Variants in PRSS23 observed in about 807,000 individuals in gnomAD.
PRSS23 encodes the protein serine protease 23.
PRSS23 carries 25 observed loss-of-function variants against 34.7 expected under a neutral mutation model. That is an observed-to-expected ratio of 0.72 (90% CI 0.53 to 1.01). PRSS23 has a LOEUF of 1.01. Among genes scored for constraint, PRSS23 ranks in the 50% least tolerant of loss-of-function variants. The probability of loss-of-function intolerance (pLI) is 0.00; values close to 1 mark genes in which losing one functional copy is unlikely to be tolerated. For synonymous variants in PRSS23, 176 were observed against 186.6 expected (o/e 0.94, Z 0.46); for missense variants, 445 against 475.6 (o/e 0.94, Z 0.60).
At chr11:86,895,396 A>G (rs1329147608) in intron 2 of PRSS23, among the ~76,000 whole-genome samples, 1 of 152,166 alleles carries the variant, frequency 6.6e-6, no homozygotes, top group Non-Finnish European at 1.5e-5. Context: ...TGTCTATCAT[A>G]AATTCAGTGG....
intron 2 of PRSS23, among the ~76,000 whole-genome samples, chr11:86,882,332 A>AT (rs1399802441): frequency 6.6e-6 from 1 of 151,922 alleles, no homozygotes; most frequent in African/African-American, 2.4e-5. Context: ...CCCATTAGTT[A>AT]TTTTTCCTGA....
In PRSS23 at chr11:86,950,951, A is replaced by G. The variant is rs1949285081; in HGVS notation, c.207-265A>G. 6.0e-6 allele frequency: 4 copies of G among 664,020 alleles called. No homozygotes were observed. The Admixed American group carries it at 9.7e-5, about 16-fold the overall frequency. 41.1% of individuals were successfully genotyped at this position (664,020 alleles called of 1,614,324 possible). ...TGGCTTTTCCATTTTGGATCATTCCAAAGTCTGCAGCAAAATCATTGGTTT... is the reference window on the plus strand; with the variant it reads ...TGGCTTTTCCATTTTGGATCATTCCGAAGTCTGCAGCAAAATCATTGGTTT... On this transcript the variant is annotated intron_variant, in intron 2 of 2. Coordinates refer to the PRSS23 transcript ENST00000533902.
chr11:86,898,150 A>G (rs1232294203), intron 2 of PRSS23, among the ~76,000 whole-genome samples: 1 of 152,196 alleles, frequency 6.6e-6, no homozygotes, highest in African/African-American at 2.4e-5. Context: ...CCCAGGGCAG[A>G]TATTTCATTT....
intron 2 of PRSS23, among the ~76,000 whole-genome samples, chr11:86,898,615 T>C (rs1016581732): frequency 1.3e-5 from 2 of 152,184 alleles, no homozygotes; most frequent in Non-Finnish European, 2.9e-5. Context: ...CCTTCATGGG[T>C]CCCTGTCCTT....
chr11:86,937,097 T>C (rs1452936887), intron 2 of PRSS23: 1 of 152,140 alleles, frequency 6.6e-6, no homozygotes, highest in Non-Finnish European at 1.5e-5. Flanking sequence ...TACGAACCTC[T>C]CTACTGAGGC....
intron 2 of PRSS23, among the ~76,000 whole-genome samples, chr11:86,913,035 G>A (rs1208743302): frequency 6.6e-6 from 1 of 152,146 alleles, no homozygotes; most frequent in Non-Finnish European, 1.5e-5. Context: ...GCTGCTTGAC[G>A]TCTGTCTTAC....
intron 2 of PRSS23, among the ~76,000 whole-genome samples, chr11:86,891,882 G>T (rs770606521): frequency 1.3e-5 from 2 of 152,080 alleles, no homozygotes; most frequent in Non-Finnish European, 2.9e-5. Flanking sequence ...AATAAGGTGC[G>T]CTTCCCCTTC....
Position 86,904,840 on chromosome 11 carries a change from A to C in PRSS23, c.207-46376A>C, listed in dbSNP as rs140044940. 2.1e-3 allele frequency among the ~76,000 whole-genome samples: 325 copies of C among 152,094 alleles called. 1 individual carries two copies. The highest frequency in any genetic ancestry group is 7.6e-3 in the African/African-American group (315 of 41,500). ...AGGCAGGAGGATTGCTTGAGGCCAA[A>C]AGTTTAAGACTAGCCTGAGCAACAT... On this transcript the variant is annotated intron_variant, in intron 2 of 2. Transcript: ENST00000533902.
chr11:86,834,185 A>T (rs954179677), intron 2 of PRSS23, among the ~76,000 whole-genome samples: 2 of 152,236 alleles, frequency 1.3e-5, no homozygotes, highest in Admixed American at 6.5e-5. Flanking sequence ...AGTTTTGAAG[A>T]GGCCTGGTCC....
chr11:86,914,855 G>A (rs767100392), intron 2 of PRSS23, among the ~76,000 whole-genome samples: 15 of 152,288 alleles, frequency 9.8e-5, no homozygotes, highest in East Asian at 3.9e-4. Flanking sequence ...TTAATATCCT[G>A]TTTAGAATGT....
chr11:86,908,197 T>A (rs1396199029), intron 2 of PRSS23, among the ~76,000 whole-genome samples: 1 of 152,242 alleles, frequency 6.6e-6, no homozygotes, highest in Non-Finnish European at 1.5e-5. Flanking sequence ...TGATTTCAAT[T>A]CTTTTTAATA....
At chr11:86,945,748 A>AATT (rs2135031512) in intron 2 of PRSS23, 1 of 152,752 alleles carries the variant, frequency 6.5e-6, no homozygotes, top group South Asian at 2.1e-4. Flanking sequence ...TACAGTGATA[A>AATT]ATTAGAAATT....
At chr11:86,851,460 G>T (rs1590893920) in intron 2 of PRSS23, among the ~76,000 whole-genome samples, 1 of 152,340 alleles carries the variant, frequency 6.6e-6, no homozygotes, top group East Asian at 1.9e-4. Flanking sequence ...AACCCCCAAA[G>T]GGAAGGGCAC....
chr11:86,804,356 AT>A (rs150554076), intron 1 of PRSS23, among the ~76,000 whole-genome samples: 3,719 of 152,276 alleles, frequency 0.024, 135 homozygotes, highest in African/African-American at 0.085. Flanking sequence ...CTAAATCTGA[AT>A]TAAACTTTTT....
chr11:86,893,955 G>T (rs946780291), intron 2 of PRSS23, among the ~76,000 whole-genome samples: 1 of 152,130 alleles, frequency 6.6e-6, no homozygotes, highest in Non-Finnish European at 1.5e-5. Flanking sequence ...GAAATAGAGT[G>T]GGAGTAAAGG....
At chr11:86,923,281 A>G (rs1949058652) in intron 2 of PRSS23, among the ~76,000 whole-genome samples, 1 of 151,736 alleles carries the variant, frequency 6.6e-6, no homozygotes, top group African/African-American at 2.4e-5. Flanking sequence ...ACATTAACAC[A>G]CCCAGCTAAT....
At chr11:86,878,233 C>CCTCCCT (rs1948738988) in intron 2 of PRSS23, among the ~76,000 whole-genome samples, 1 of 84,798 alleles carries the variant, frequency 1.2e-5, no homozygotes, top group East Asian at 3.8e-4. Context: ...TACCCCTCCC[C>CCTCCCT]CTCCCTCTCC....
At position 86,811,020 on chromosome 11, in the gene PRSS23, C is replaced by T. The variant is rs1948172759; in HGVS notation, c.*2225C>T. The stretch of plus-strand genomic sequence containing the variant: ...GTAAGGCTAGTAGAACCACATTTCC[C>T]AAAGTGTGCTCCTTAAACACTCATG... On this transcript the variant is annotated 3_prime_UTR_variant, in exon 2 of 2. Coordinates refer to ENST00000280258, the MANE Select transcript of PRSS23 (RefSeq NM_007173.6). The T allele has an allele frequency of 6.0e-6, 1 of 166,714 alleles. No homozygotes were observed. Among genetic ancestry groups the T allele is most frequent in the African/African-American group, 2.4e-5 (1 of 41,450 alleles). The allele number at this position is 166,714 out of a possible 1,614,324, so 10.3% of individuals were successfully genotyped here.
chr11:86,869,304 C>A (rs1029526508), intron 2 of PRSS23, among the ~76,000 whole-genome samples: 6 of 152,124 alleles, frequency 3.9e-5, no homozygotes, highest in Admixed American at 6.5e-5. Context: ...TAGAAAGCAG[C>A]AGCCATGATA....
Sources: allele counts gnomAD v4.1 joint callset (sites outside exome capture counted in the v4.1 genomes callset), GRCh38; gene constraint gnomAD v4.1.1; transcripts MANE v1.5; gene names NCBI Gene and HGNC (gene_info 2026-07-23, HGNC 2026-07-21).